CNTNAP2: variants seen among roughly 807,000 people sequenced by gnomAD.
CNTNAP2 encodes the protein contactin associated protein 2, also known as contactin-associated protein-like 2.
CNTNAP2 carries 98 observed loss-of-function variants against 155.2 expected under a neutral mutation model. The observed-to-expected ratio is 0.63, with a 90% CI of 0.54 to 0.75. CNTNAP2 has a LOEUF of 0.75. CNTNAP2 is among the 30% of genes least tolerant of loss of function. The pLI is 0.00. For missense variants in CNTNAP2, 1,727 were observed against 1,688.1 expected (o/e 1.02, Z -0.40); for synonymous variants, 651 against 631.2 (o/e 1.03, Z -0.47).
chr7:146,200,881 G>A (rs1369336362), intron 1 of CNTNAP2, among the ~76,000 whole-genome samples: 1 of 152,148 alleles, frequency 6.6e-6, no homozygotes, highest in East Asian at 1.9e-4. Flanking sequence ...ACTGAGTATG[G>A]CCTCTGAACA....
Position 147,703,883 on chromosome 7 carries a change from T to C in CNTNAP2, c.2098+64577T>C, listed in dbSNP as rs77838076. 6.8e-3 allele frequency among the ~76,000 whole-genome samples: 1,034 copies of C among 152,280 alleles called. 12 individuals are homozygous for C. The highest frequency in any genetic ancestry group is 0.024 in the African/African-American group (977 of 41,572). On this transcript the variant is annotated intron_variant, in intron 13 of 23. Coordinates refer to ENST00000361727, the MANE Select transcript of CNTNAP2 (RefSeq NM_014141.6). ...CCATGCACACACCCTTCCCAGCCTC[T>C]GGTAACCATTATTCTACTCTCTACC...
At position 148,212,523 on chromosome 7, in the gene CNTNAP2, T is replaced by A. The variant is rs77232832; in HGVS notation, c.3011-4765T>A. 6.0e-3 allele frequency among the ~76,000 whole-genome samples: 917 copies of A among 152,336 alleles called. 23 individuals are homozygous for A. In the East Asian group the frequency reaches 0.093, roughly 15 times the overall value. On this transcript the variant is annotated intron_variant, in intron 18 of 23. Transcript: ENST00000361727. ...CTTAGACTATTAGCATTATCTATAG[T>A]AGTATTATATTGTCTATATCTGTTA...
At chr7:147,677,833 A>G (rs1795892244) in intron 13 of CNTNAP2, among the ~76,000 whole-genome samples, 1 of 151,666 alleles carries the variant, frequency 6.6e-6, no homozygotes, top group Non-Finnish European at 1.5e-5. Context: ...TTATAAGTGC[A>G]TAAATTTATT....
intron 12 of CNTNAP2, among the ~76,000 whole-genome samples, chr7:147,574,411 C>T (rs1800349727): frequency 6.6e-6 from 1 of 151,998 alleles, no homozygotes; most frequent in Non-Finnish European, 1.5e-5. Flanking sequence ...CAATTATGTC[C>T]TGGCTTGCTC....
At chr7:146,390,902 A>C (rs1016839804) in intron 1 of CNTNAP2, among the ~76,000 whole-genome samples, 1 of 103,834 alleles carries the variant, frequency 9.6e-6, no homozygotes, top group African/African-American at 3.5e-5. Context: ...CCCCATCTCT[A>C]CTAAAAATAC....
At chr7:148,170,566 A>G (rs942268538) in intron 17 of CNTNAP2, among the ~76,000 whole-genome samples, 16 of 152,220 alleles carry the variant, frequency 1.1e-4, no homozygotes, top group Non-Finnish European at 1.8e-4. Context: ...GCTTTGATCA[A>G]AAAAGGCACT....
intron 8 of CNTNAP2, among the ~76,000 whole-genome samples, chr7:147,209,374 C>G (rs1294472272): frequency 1.3e-5 from 2 of 151,808 alleles, no homozygotes; most frequent in African/African-American, 4.8e-5. Flanking sequence ...GAGGCCATTT[C>G]CTTGATTTGG....
intron 3 of CNTNAP2, among the ~76,000 whole-genome samples, chr7:146,934,026 A>G (rs1257750388): frequency 6.6e-6 from 1 of 152,182 alleles, no homozygotes; most frequent in Non-Finnish European, 1.5e-5. Flanking sequence ...TGTGGAAGTC[A>G]GTGTGGCGTT....
chr7:146,151,658 A>ATGTG (rs1554396861), intron 1 of CNTNAP2, among the ~76,000 whole-genome samples: 1 of 55,336 alleles, frequency 1.8e-5, no homozygotes, highest in Admixed American at 2.5e-4. Flanking sequence ...ATATATATAT[A>ATGTG]TATATATATA....
At chr7:147,115,356 T>C (rs1328905333) in intron 5 of CNTNAP2, among the ~76,000 whole-genome samples, 1 of 152,232 alleles carries the variant, frequency 6.6e-6, no homozygotes, top group Non-Finnish European at 1.5e-5. Flanking sequence ...TGAATTTGAA[T>C]GTTGGCCTTC....
At chr7:146,349,967 G>A (rs999771515) in intron 1 of CNTNAP2, among the ~76,000 whole-genome samples, 1 of 151,338 alleles carries the variant, frequency 6.6e-6, no homozygotes, top group African/African-American at 2.4e-5. Context: ...TCTTCTCGAG[G>A]AGTATCTCTG....
At chr7:146,821,411 C>T (rs1585106688) in intron 2 of CNTNAP2, among the ~76,000 whole-genome samples, 1 of 152,158 alleles carries the variant, frequency 6.6e-6, no homozygotes, top group East Asian at 1.9e-4. Flanking sequence ...TTTTATTTCT[C>T]CTTCACTTAT....
chr7:146,851,676 G>C (rs796821123), intron 3 of CNTNAP2, among the ~76,000 whole-genome samples: 1 of 149,682 alleles, frequency 6.7e-6, no homozygotes, highest in African/African-American at 2.5e-5. Context: ...GTGTGTGTGT[G>C]TGTGTGTGTG....
chr7:146,617,441 G>A (rs1185866708), intron 1 of CNTNAP2, among the ~76,000 whole-genome samples: 2 of 152,162 alleles, frequency 1.3e-5, no homozygotes, highest in East Asian at 3.8e-4. Flanking sequence ...ATGCTGAATT[G>A]TACTACCTTG....
At chr7:146,435,989 A>T (rs1420428170) in intron 1 of CNTNAP2, among the ~76,000 whole-genome samples, 2 of 152,196 alleles carry the variant, frequency 1.3e-5, no homozygotes, top group African/African-American at 4.8e-5. Context: ...ATTTACCAGT[A>T]TATACTTTCT....
chr7:147,384,045 A>C (rs962650002), intron 9 of CNTNAP2, among the ~76,000 whole-genome samples: 2 of 152,184 alleles, frequency 1.3e-5, no homozygotes, highest in Non-Finnish European at 2.9e-5. Flanking sequence ...TGACATTTGA[A>C]CTGACCTGAA....
intron 8 of CNTNAP2, among the ~76,000 whole-genome samples, chr7:147,193,086 A>C (rs961773798): frequency 6.6e-5 from 10 of 152,192 alleles, no homozygotes; most frequent in Non-Finnish European, 1.3e-4. Flanking sequence ...ATAATACTTA[A>C]TTATTCTTCA....
rs138578554 is a variant in CNTNAP2 at position 146,369,711 on chromosome 7, G to A, written c.97+252738G>A. Among the ~76,000 whole-genome samples, 449 of 152,094 alleles carry A rather than the reference G, an allele frequency of 3.0e-3. 2 individuals are homozygous for A. The highest frequency in any genetic ancestry group is 7.2e-3 in the African/African-American group (300 of 41,512). On this transcript the variant is annotated intron_variant, in intron 1 of 23. Transcript: ENST00000361727. ...CTTGAGTTTTTAAAATCTGTAATCT[G>A]TGCTTTACTCATTTTCTTTATTGGC... is the stretch of plus-strand genomic sequence containing the variant.
chr7:148,282,089 C>G (rs1039153196), intron 21 of CNTNAP2, among the ~76,000 whole-genome samples: 2 of 152,118 alleles, frequency 1.3e-5, no homozygotes, highest in Non-Finnish European at 2.9e-5. Context: ...TCCTAAAGTT[C>G]TGGGATTACA....
Sources: allele counts gnomAD v4.1 joint callset (sites outside exome capture counted in the v4.1 genomes callset), GRCh38; gene constraint gnomAD v4.1.1; transcripts MANE v1.5; gene names NCBI Gene and HGNC (gene_info 2026-07-23, HGNC 2026-07-21).